Variants in NUFIP2 observed in about 807,000 individuals in gnomAD.
The protein encoded by NUFIP2 is nuclear FMR1 interacting protein 2, also known as FMR1-interacting protein NUFIP2.
NUFIP2 carries 6 observed loss-of-function variants against 56.9 expected under a neutral mutation model. The ratio of observed to expected loss-of-function variants is 0.11; its 90% confidence interval spans 0.06 to 0.21. The LOEUF (loss-of-function observed/expected upper bound fraction) is 0.21, where lower values mean the gene tolerates loss of function less well. Among genes scored for constraint, NUFIP2 ranks in the 10% least tolerant of loss-of-function variants. The pLI is 1.00. For missense variants in NUFIP2, 828 were observed against 826.8 expected, an observed-to-expected ratio of 1.00 and a Z score of -0.02; for synonymous variants, 321 against 298.2, an observed-to-expected ratio of 1.08 and a Z score of -0.79.
intron 2 of NUFIP2, 121 bp downstream of exon 2, chr17:29,285,869 CCA>C (rs2069170148): frequency 2.8e-6 from 2 of 723,364 alleles, no homozygotes; most frequent in South Asian, 4.2e-5. Flanking sequence ...AGCTGCTTAT[CCA>C]CATTGTCATT....
At position 29,287,064 on chromosome 17, in the gene NUFIP2, C is replaced by T; in HGVS notation, c.930G>A (p.Val310=). 1 of 1,614,170 alleles carries T rather than the reference C, an allele frequency of 6.2e-7. No homozygotes were observed. The highest frequency in any genetic ancestry group is 1.1e-5 in the South Asian group (1 of 91,082). The change falls in exon 2 of 4, where the codon GTG becomes GTA. Residue 310 remains valine, a synonymous_variant. Transcript: ENST00000225388. ...GCCGATCATCAAACTTTTTGCTGCT[C>T]ACACCAGGTTTACTATCTGAGCTTT... is the stretch of plus-strand genomic sequence containing the variant. ...LRKSSDSKPG[V]SSKKFDDRPK... is the part of the protein sequence containing the mutation.
In NUFIP2 at chr17:29,264,404, T is replaced by C. The variant is rs879152719; in HGVS notation, c.*135A>G. 1.6e-5 allele frequency: 5 copies of C among 310,232 alleles called. No individual in the cohort carries two copies. In the South Asian group the frequency reaches 3.3e-4, roughly 20 times the overall value. The allele number at this position is 310,232 out of a possible 1,614,324, so 19.2% of individuals were successfully genotyped here. A position where few individuals can be genotyped will look rare whatever the true frequency, so the allele number is the denominator to read the frequency against. ...ATATATATATATGTATATATATATA[T>C]TTGTATATATTATCCTGTGATTCTA... On this transcript the variant is annotated 3_prime_UTR_variant, in exon 4 of 4. Coordinates refer to ENST00000225388, the MANE Select transcript of NUFIP2 (RefSeq NM_020772.3).
chr17:29,272,069 G>C (rs1309089501), intron 2 of NUFIP2, among the ~76,000 whole-genome samples: 1 of 90,986 alleles, frequency 1.1e-5, no homozygotes, highest in Non-Finnish European at 2.1e-5. Context: ...TGAGACTGTC[G>C]AAAAGAGAGG....
At position 29,263,846 on chromosome 17, in the gene NUFIP2, AG is replaced by A. The variant is rs1483933185; in HGVS notation, c.*692del. 1 of 152,638 alleles carries A rather than the reference AG, an allele frequency of 6.6e-6. No homozygotes were observed. The allele number at this position is 152,638 out of a possible 1,614,324, so 9.5% of individuals were successfully genotyped here. A position where few individuals can be genotyped will look rare whatever the true frequency, so the allele number is the denominator to read the frequency against. On this transcript the variant is annotated 3_prime_UTR_variant, in exon 4 of 4. Coordinates refer to ENST00000225388, the MANE Select transcript of NUFIP2 (RefSeq NM_020772.3). ...CATCAACTAACTATTCCAGAATTGTAGAACTTCAATGCCCTCCCCTATCCCC... is the reference window on the plus strand; with the variant it reads ...CATCAACTAACTATTCCAGAATTGTAAACTTCAATGCCCTCCCCTATCCCC...
chr17:29,264,617 A>G (rs946898676), intron 3 of NUFIP2, 26 bp from the exon 4 acceptor site: 3 of 1,431,704 alleles, frequency 2.1e-6, no homozygotes, highest in Non-Finnish European at 3.0e-6. Flanking sequence ...AAATAAATAA[A>G]AATAAGGTCT....
rs2068971413 is a variant in NUFIP2, at chr17:29,256,360, TG to T, written c.*8178del. On this transcript the variant is annotated 3_prime_UTR_variant, in exon 4 of 4. Transcript: ENST00000225388. ...GAAGAGGAACCATAGCCATCTAAAATGATGCTTGCTACACTCCTGCATTTCT... is the reference window on the plus strand; with the variant it reads ...GAAGAGGAACCATAGCCATCTAAAATATGCTTGCTACACTCCTGCATTTCT... The T allele has an allele frequency of 6.6e-6, 1 of 152,198 alleles. No homozygotes were observed. Among genetic ancestry groups the T allele is most frequent in the South Asian group, 2.1e-4 (1 of 4,832 alleles). The allele number at this position is 152,198 out of a possible 1,614,324, so 9.4% of individuals were successfully genotyped here.
rs902971480 is a variant in NUFIP2 at position 29,262,841 on chromosome 17, A to C, written c.*1698T>G. 1 of 152,066 alleles carries C rather than the reference A, an allele frequency of 6.6e-6. No individual in the cohort carries two copies. Among genetic ancestry groups the C allele is most frequent in the African/African-American group, 2.4e-5 (1 of 41,374 alleles). The allele number at this position is 152,066 out of a possible 1,614,324, so 9.4% of individuals were successfully genotyped here. A position where few individuals can be genotyped will look rare whatever the true frequency, so the allele number is the denominator to read the frequency against. On this transcript the variant is annotated 3_prime_UTR_variant, in exon 4 of 4. Coordinates refer to ENST00000225388, the MANE Select transcript of NUFIP2 (RefSeq NM_020772.3). ...TAAGCAGGGCAGAAATCCAGACTAA[A>C]AAGATAGTTACTCTACTCTATGTTG... is the stretch of plus-strand genomic sequence containing the variant.
intron 2 of NUFIP2, among the ~76,000 whole-genome samples, chr17:29,273,420 C>T (rs2069088074): frequency 6.6e-6 from 1 of 152,188 alleles, no homozygotes; most frequent in South Asian, 2.1e-4. Context: ...GATCCACCCA[C>T]CTTGGCCTCC....
At chr17:29,285,903 G>A (rs1453467142) in intron 2 of NUFIP2, 89 bp downstream of exon 2, 2 of 1,030,048 alleles carry the variant, frequency 1.9e-6, no homozygotes, top group African/African-American at 3.3e-5. Flanking sequence ...CTCTTAATAT[G>A]AACAACTAAT....
At chr17:29,265,190 T>TTAGAATGTGTCTGGA (rs2153010669) in intron 3 of NUFIP2, among the ~76,000 whole-genome samples, 1 of 152,312 alleles carries the variant, frequency 6.6e-6, no homozygotes, top group East Asian at 1.9e-4. Context: ...CATAAAACTG[T>TTAGAATGTGTCTGGA]TAGAATGTGT....
At position 29,257,767 on chromosome 17, in the gene NUFIP2, C is replaced by G. The variant is rs557038715; in HGVS notation, c.*6772G>C. 1 of 151,980 alleles carries G rather than the reference C, an allele frequency of 6.6e-6. No homozygotes were observed. Among genetic ancestry groups the G allele is most frequent in the African/African-American group, 2.4e-5 (1 of 41,382 alleles). 9.4% of individuals were successfully genotyped at this position (151,980 alleles called of 1,614,324 possible). On this transcript the variant is annotated 3_prime_UTR_variant, in exon 4 of 4. Coordinates refer to ENST00000225388, the MANE Select transcript of NUFIP2 (RefSeq NM_020772.3). ...CACTAAAAGAGACAGCAAGCTGAAA[C>G]TTTTTTCAAAGCACACAAGAAATGT...
At position 29,287,163 on chromosome 17, in the gene NUFIP2, C is replaced by G; in HGVS notation, c.831G>C (p.Lys277Asn). Residue 277 changes from lysine (K) to asparagine (N), a missense_variant, in exon 2 of 4, where the codon AAG (lysine) becomes AAC (asparagine). Lys to Asn is a moderately conservative substitution (Grantham distance 94). This residue lies in a region of NUFIP2 where 415 missense variants were observed against 408.7 expected (regional missense o/e 1.02). Transcript: ENST00000225388. ...EQKGNRVDGS[K>N]PIWKYETGPG... is the part of the protein sequence containing the mutation. ...GCCCAGTTTCATACTTCCAAATGGG[C>G]TTCGAACCATCTACTCGATTTCCCT... 6.2e-7 allele frequency: 1 copy of G among 1,614,154 alleles called. No homozygotes were observed. Among genetic ancestry groups the G allele is most frequent in the Non-Finnish European group, 8.5e-7 (1 of 1,180,018 alleles).
intron 2 of NUFIP2, among the ~76,000 whole-genome samples, chr17:29,272,912 G>A (rs1173091557): frequency 6.6e-6 from 1 of 151,404 alleles, no homozygotes; most frequent in Non-Finnish European, 1.5e-5. Flanking sequence ...AGCAGCAGTG[G>A]TGCGATCTCA....
At chr17:29,273,330 G>A (rs1252877326) in intron 2 of NUFIP2, among the ~76,000 whole-genome samples, 2 of 151,992 alleles carry the variant, frequency 1.3e-5, no homozygotes, top group Non-Finnish European at 2.9e-5. Flanking sequence ...GAGCCACCGC[G>A]CCCAGCCAAT....
chr17:29,274,641 T>C (rs1016916115), intron 2 of NUFIP2, among the ~76,000 whole-genome samples: 50 of 152,204 alleles, frequency 3.3e-4, no homozygotes, highest in Non-Finnish European at 5.6e-4. Context: ...GAAAGAACAT[T>C]ATTCAGGGGA....
At chr17:29,289,992 C>T (rs1465526639) in intron 1 of NUFIP2, among the ~76,000 whole-genome samples, 2 of 152,000 alleles carry the variant, frequency 1.3e-5, no homozygotes, top group African/African-American at 4.8e-5. Context: ...GATGTGATCC[C>T]AGCTCACCAC....
intron 2 of NUFIP2, among the ~76,000 whole-genome samples, chr17:29,285,160 C>T (rs537191097): frequency 5.9e-5 from 9 of 151,956 alleles, no homozygotes; most frequent in East Asian, 5.8e-4. Flanking sequence ...ATTAGCTGGG[C>T]GTGGTGGCGC....
At chr17:29,289,307 T>C (rs139214727) in intron 1 of NUFIP2, among the ~76,000 whole-genome samples, 24 of 152,196 alleles carry the variant, frequency 1.6e-4, no homozygotes, top group Middle Eastern at 3.4e-3. Flanking sequence ...GAAACAGATA[T>C]ACAGGCCGGG....
chr17:29,269,180 G>A (rs2069056819), intron 2 of NUFIP2, among the ~76,000 whole-genome samples: 1 of 152,132 alleles, frequency 6.6e-6, no homozygotes, highest in Admixed American at 6.5e-5. Flanking sequence ...TTAAGGATAA[G>A]TAGTCTTCTG....
Sources: allele counts gnomAD v4.1 joint callset (sites outside exome capture counted in the v4.1 genomes callset), GRCh38; gene constraint gnomAD v4.1.1; regional missense constraint gnomAD v4.1.1; transcripts MANE v1.5; gene names NCBI Gene and HGNC (gene_info 2026-07-23, HGNC 2026-07-21).